EPHA4: variants seen among roughly 807,000 people sequenced by gnomAD.
EPHA4 encodes the protein ephrin type-A receptor 4.
A neutral mutation model predicts 108.3 loss-of-function variants in EPHA4; 19 were observed. That is an observed-to-expected ratio of 0.18 (90% CI 0.12 to 0.26). The LOEUF is 0.26. EPHA4 is among the 10% of genes least tolerant of loss of function. The pLI is 1.00. For missense variants in EPHA4, 917 were observed against 1,254.0 expected (o/e 0.73, Z 4.06); for synonymous variants, 449 against 455.5 (o/e 0.99, Z 0.18).
At chr2:221,438,207 A>C (rs1237160058) in intron 11 of EPHA4, among the ~76,000 whole-genome samples, 1 of 152,114 alleles carries the variant, frequency 6.6e-6, no homozygotes, top group Non-Finnish European at 1.5e-5. Context: ...AAGAAATAAA[A>C]ATGATTTTAA....
intron 2 of EPHA4, among the ~76,000 whole-genome samples, chr2:221,565,315 T>A (rs1391565358): frequency 2.0e-5 from 3 of 152,204 alleles, no homozygotes; most frequent in Non-Finnish European, 4.4e-5. Flanking sequence ...ACTAAAAGTT[T>A]CACTGTCATT....
chr2:221,513,637 C>A (rs1419823236), intron 3 of EPHA4, among the ~76,000 whole-genome samples: 1 of 151,916 alleles, frequency 6.6e-6, no homozygotes, highest in Non-Finnish European at 1.5e-5. Flanking sequence ...TCTGATGGGT[C>A]ACCTTTAAAA....
intron 5 of EPHA4, among the ~76,000 whole-genome samples, chr2:221,472,836 C>A (rs1291430188): frequency 1.3e-5 from 2 of 152,030 alleles, no homozygotes; most frequent in Non-Finnish European, 2.9e-5. Flanking sequence ...TTTTTCATAA[C>A]AAAACAAAAC....
chr2:221,520,506 CCA>C (rs61047207), intron 3 of EPHA4, among the ~76,000 whole-genome samples: 37,639 of 141,516 alleles, frequency 0.27, 5,423 homozygotes, highest in South Asian at 0.39. Flanking sequence ...TTTCCTCTAA[CCA>C]CACACACACA....
At chr2:221,562,137 A>T (rs1357680482) in intron 3 of EPHA4, among the ~76,000 whole-genome samples, 1 of 152,080 alleles carries the variant, frequency 6.6e-6, no homozygotes, top group African/African-American at 2.4e-5. Flanking sequence ...CAAACCAAAA[A>T]TCGAGGCCTT....
At chr2:221,439,198 G>C (rs1382102853) in intron 11 of EPHA4, among the ~76,000 whole-genome samples, 1 of 152,140 alleles carries the variant, frequency 6.6e-6, no homozygotes, top group Non-Finnish European at 1.5e-5. Flanking sequence ...GACCAAAGGT[G>C]CATAAAACCA....
chr2:221,522,308 T>C (rs925881857), intron 3 of EPHA4, among the ~76,000 whole-genome samples: 2 of 152,188 alleles, frequency 1.3e-5, no homozygotes, highest in Non-Finnish European at 2.9e-5. Flanking sequence ...AAATGAGGCT[T>C]GGAAAAAGAG....
intron 6 of EPHA4, 22 bp downstream of exon 6, chr2:221,457,844 G>A (rs997650276): frequency 1.2e-6 from 2 of 1,607,626 alleles, no homozygotes; most frequent in Middle Eastern, 1.7e-4. Flanking sequence ...AAGGAAAGGA[G>A]TGTTGTTCAC....
intron 3 of EPHA4, among the ~76,000 whole-genome samples, chr2:221,525,339 G>A (rs1264187632): frequency 6.6e-6 from 1 of 152,166 alleles, no homozygotes; most frequent in African/African-American, 2.4e-5. Flanking sequence ...TTTCTGACTC[G>A]TGGTCTGGAT....
intron 3 of EPHA4, among the ~76,000 whole-genome samples, chr2:221,502,040 G>GT (rs1464693634): frequency 6.6e-6 from 1 of 151,848 alleles, no homozygotes; most frequent in Non-Finnish European, 1.5e-5. Context: ...GGGCCATATA[G>GT]TTTTTTATAC....
At chr2:221,479,689 G>A (rs1442799599) in intron 5 of EPHA4, among the ~76,000 whole-genome samples, 2 of 152,114 alleles carry the variant, frequency 1.3e-5, no homozygotes, top group South Asian at 2.1e-4. Flanking sequence ...ATGAAGAAAG[G>A]GTTTGTTAAT....
chr2:221,557,020 A>G (rs1292763981), intron 3 of EPHA4, among the ~76,000 whole-genome samples: 1 of 152,242 alleles, frequency 6.6e-6, no homozygotes. Context: ...TAATAACATT[A>G]TCATACATCA....
intron 3 of EPHA4, among the ~76,000 whole-genome samples, chr2:221,543,926 C>G (rs757665072): frequency 6.6e-6 from 1 of 152,038 alleles, no homozygotes; most frequent in African/African-American, 2.4e-5. Flanking sequence ...TTATTTTTCA[C>G]GGTTCTGGAG....
intron 14 of EPHA4, among the ~76,000 whole-genome samples, chr2:221,432,800 C>T (rs1245582295): frequency 2.0e-5 from 3 of 150,348 alleles, no homozygotes; most frequent in Non-Finnish European, 3.0e-5. Flanking sequence ...CACACCACCA[C>T]GCCCAGCAAA....
intron 5 of EPHA4, among the ~76,000 whole-genome samples, chr2:221,458,961 G>T (rs944038571): frequency 2.0e-5 from 3 of 152,136 alleles, no homozygotes; most frequent in Non-Finnish European, 2.9e-5. Flanking sequence ...CCAAACTGGG[G>T]AAACAAATGT....
At chr2:221,538,370 A>T (rs1213864346) in intron 3 of EPHA4, among the ~76,000 whole-genome samples, 1 of 152,230 alleles carries the variant, frequency 6.6e-6, no homozygotes, top group South Asian at 2.1e-4. Flanking sequence ...TATATCAATG[A>T]CATGCAATGA....
chr2:221,430,093 G>A lies in EPHA4; in HGVS notation c.2555C>T (p.Ala852Val), dbSNP rs199889377. The change falls in exon 15 of 18, where the codon GCG becomes GTG. Residue 852 changes from alanine to valine, a missense_variant. Ala to Val is a moderately conservative substitution (Grantham distance 64). Coordinates refer to ENST00000281821, the MANE Select transcript of EPHA4 (RefSeq NM_004438.5). ...RLPPPMDCPI[A>V]LHQLMLDCWQ... ...GCAGTCTAGCATCAGCTGGTGGAGC[G>A]CAATGGGGCAGTCCATTGGAGGGGG... is the stretch of plus-strand genomic sequence containing the variant. 2.2e-5 allele frequency: 35 copies of A among 1,613,420 alleles called. No individual in the cohort carries two copies. The Admixed American group carries it at 5.0e-4, about 23-fold the overall frequency.
rs143786235 is a variant in EPHA4, at chr2:221,512,378, G to C, written c.824-11206C>G. 1.7e-3 allele frequency among the ~76,000 whole-genome samples: 256 copies of C among 152,314 alleles called. 2 individuals carry two copies. Among genetic ancestry groups the C allele is most frequent in the Middle Eastern group, 3.4e-3 (1 of 294 alleles). On this transcript the variant is annotated intron_variant, in intron 3 of 17. Transcript: ENST00000281821. ...AAAATATCTGAAAATACTTTTGAAAGATTTAAATAAGTGCTGCCATATAAA... is the reference window on the plus strand; with the variant it reads ...AAAATATCTGAAAATACTTTTGAAACATTTAAATAAGTGCTGCCATATAAA...
chr2:221,476,436 C>T (rs1025822174), intron 5 of EPHA4, among the ~76,000 whole-genome samples: 1 of 152,168 alleles, frequency 6.6e-6, no homozygotes, highest in Non-Finnish European at 1.5e-5. Flanking sequence ...GTCTTGTTGT[C>T]TGACAATTGC....
Sources: allele counts gnomAD v4.1 joint callset (sites outside exome capture counted in the v4.1 genomes callset), GRCh38; gene constraint gnomAD v4.1.1; transcripts MANE v1.5; gene names NCBI Gene and HGNC (gene_info 2026-07-23, HGNC 2026-07-21).